The following ATG13 variants were observed in gnomAD, a reference collection of about 807,000 sequenced individuals.
The protein encoded by ATG13 is autophagy related 13, also known as autophagy-related protein 13.
A neutral mutation model predicts 65.5 loss-of-function variants in ATG13; 23 were observed. The observed-to-expected ratio is 0.35, with a 90% CI of 0.25 to 0.50. The LOEUF is 0.50. Among genes scored for constraint, ATG13 ranks in the 20% least tolerant of loss-of-function variants. The pLI, the probability that ATG13 is intolerant of heterozygous loss-of-function variation, is 0.98. For missense variants in ATG13, 566 were observed against 677.0 expected (o/e 0.84, Z 1.82); for synonymous variants, 252 against 245.2 (o/e 1.03, Z -0.26).
chr11:46,652,802 T>A (rs2059184609), intron 7 of ATG13, among the ~76,000 whole-genome samples: 1 of 152,218 alleles, frequency 6.6e-6, no homozygotes, highest in Non-Finnish European at 1.5e-5. Flanking sequence ...GAGTCTCAGC[T>A]TCTTGTTAAA....
In ATG13 at chr11:46,617,583, C is replaced by T; in HGVS notation, c.-377C>T. 5.5e-6 allele frequency: 1 copy of T among 183,472 alleles called. No individual in the cohort carries two copies. The highest frequency in any genetic ancestry group is 1.0e-5 in the Non-Finnish European group (1 of 97,006). 11.4% of individuals were successfully genotyped at this position (183,472 alleles called of 1,614,324 possible). ...TTACCGAAGCGGATGAAAACAAACA[C>T]TAACGATGGCGGCGCCGGGAAGCGA... On this transcript the variant is annotated 5_prime_UTR_variant, in exon 1 of 19. Coordinates refer to ENST00000683050, the MANE Select transcript of ATG13 (RefSeq NM_001346311.2).
Position 46,672,322 on chromosome 11 carries a change from C to G in ATG13, c.1643C>G (p.Thr548Ser). ...NVREFDAFVETLQ is the reference protein window; with the variant it reads ...NVREFDAFVESLQ ...CGCGAGTTTGATGCCTTTGTGGAAA[C>G]CCTGCAGTAAAAGTATCCTTGAGTC... is the stretch of plus-strand genomic sequence containing the variant. Residue 548 changes from threonine to serine, a missense_variant, in exon 19 of 19, where the codon ACC (threonine) becomes AGC (serine). Thr to Ser is a moderately conservative substitution (Grantham distance 58, BLOSUM62 1). This residue lies in a region of ATG13 where 387 missense variants were observed against 409.8 expected (regional missense o/e 0.94). Coordinates refer to ENST00000683050, the MANE Select transcript of ATG13 (RefSeq NM_001346311.2). 6.2e-7 allele frequency: 1 copy of G among 1,614,244 alleles called. No individual in the cohort carries two copies. The highest frequency in any genetic ancestry group is 8.5e-7 in the Non-Finnish European group (1 of 1,180,052).
At chr11:46,650,889 C>T (rs766065836) in intron 7 of ATG13, among the ~76,000 whole-genome samples, 9 of 152,156 alleles carry the variant, frequency 5.9e-5, no homozygotes, top group Non-Finnish European at 1.0e-4. Context: ...TAGGTGTGAG[C>T]CACGGCACCC....
intron 7 of ATG13, among the ~76,000 whole-genome samples, chr11:46,650,927 A>G (rs1321272479): frequency 2.6e-5 from 4 of 152,204 alleles, no homozygotes; most frequent in Admixed American, 2.6e-4. Context: ...TTTGAAAAAC[A>G]GTCTATACTG....
chr11:46,622,118 TATATATA>T lies in ATG13; in HGVS notation c.-70+4229_-70+4235del, dbSNP rs1565398754. 4.3e-3 allele frequency among the ~76,000 whole-genome samples: 484 copies of T among 111,512 alleles called. 8 individuals are homozygous for T. Among genetic ancestry groups the T allele is most frequent in the African/African-American group, 0.016 (407 of 25,968 alleles). 73.2% of individuals were successfully genotyped at this position (111,512 alleles called of 152,430 possible). A position where few individuals can be genotyped will look rare whatever the true frequency, so the allele number is the denominator to read the frequency against. On this transcript the variant is annotated intron_variant, in intron 1 of 18. Coordinates refer to ENST00000683050, the MANE Select transcript of ATG13 (RefSeq NM_001346311.2). ...ATATATATATATATATATATATATA[TATATATA>T]TATTTATTTTAGAGATGGTATTTGC...
chr11:46,650,122 T>C (rs1363617181), intron 6 of ATG13, 55 bp from the exon 7 acceptor site: 5 of 1,584,478 alleles, frequency 3.2e-6, no homozygotes, highest in Middle Eastern at 3.4e-4. Flanking sequence ...AATTTGGTCT[T>C]GTGTAGCTCC....
At chr11:46,638,314 A>G (rs965409141) in intron 2 of ATG13, among the ~76,000 whole-genome samples, 1 of 151,988 alleles carries the variant, frequency 6.6e-6, no homozygotes, top group Non-Finnish European at 1.5e-5. Flanking sequence ...GCGCATGCCT[A>G]TAATCCCAGC....
At chr11:46,644,445 T>A in intron 3 of ATG13, 85 bp downstream of exon 3, 1 of 1,197,754 alleles carries the variant, frequency 8.3e-7, no homozygotes, top group Non-Finnish European at 1.2e-6. Flanking sequence ...CTTTGGAAAG[T>A]AGCATAACAG....
chr11:46,654,007 G>A (rs1372906450), intron 7 of ATG13, among the ~76,000 whole-genome samples: 1 of 151,418 alleles, frequency 6.6e-6, no homozygotes, highest in Non-Finnish European at 1.5e-5. Flanking sequence ...ATATAGACTG[G>A]CCTGTCCAGG....
chr11:46,638,145 CCT>C (rs1379034651), intron 2 of ATG13, among the ~76,000 whole-genome samples: 1 of 152,086 alleles, frequency 6.6e-6, no homozygotes, highest in African/African-American at 2.4e-5. Context: ...CATTTAAAAA[CCT>C]CTTTTTTGAC....
intron 7 of ATG13, among the ~76,000 whole-genome samples, chr11:46,655,666 G>A (rs975018464): frequency 2.0e-5 from 3 of 152,164 alleles, no homozygotes; most frequent in Admixed American, 1.3e-4. Context: ...TTTCTCAGTA[G>A]GTATAATTTT....
intron 1 of ATG13, among the ~76,000 whole-genome samples, chr11:46,624,301 C>A (rs1291903544): frequency 6.6e-6 from 1 of 152,172 alleles, no homozygotes; most frequent in Non-Finnish European, 1.5e-5. Context: ...CCACAACCAG[C>A]CAAATTCAGG....
chr11:46,656,329 G>A, intron 8 of ATG13, 56 bp downstream of exon 8: 1 of 1,494,692 alleles, frequency 6.7e-7, no homozygotes, highest in Non-Finnish European at 9.2e-7. Flanking sequence ...TAACTTCAGA[G>A]ATGATCTTCG....
chr11:46,653,779 C>T (rs1430104303), intron 7 of ATG13, among the ~76,000 whole-genome samples: 4 of 151,820 alleles, frequency 2.6e-5, no homozygotes, highest in Admixed American at 2.6e-4. Context: ...CCATGTTAGC[C>T]AGGATGGTCT....
intron 7 of ATG13, among the ~76,000 whole-genome samples, chr11:46,656,020 C>A (rs1282402058): frequency 1.3e-5 from 2 of 152,150 alleles, no homozygotes; most frequent in East Asian, 1.9e-4. Context: ...TGTGCCTGGC[C>A]TTATTTTCCT....
chr11:46,626,385 A>T (rs1282072239), intron 1 of ATG13, among the ~76,000 whole-genome samples: 1 of 151,942 alleles, frequency 6.6e-6, no homozygotes, highest in Admixed American at 6.6e-5. Flanking sequence ...CGAGTTGCTG[A>T]GATTACAGGC....
rs1379273323 is a variant in ATG13, at chr11:46,673,248, T to A, written c.*916T>A. 2 of 154,120 alleles carry A rather than the reference T, an allele frequency of 1.3e-5. No homozygotes were observed. The highest frequency in any genetic ancestry group is 4.8e-5 in the African/African-American group (2 of 41,442). The allele number at this position is 154,120 out of a possible 1,614,324, so 9.5% of individuals were successfully genotyped here. ...GGAGACCTCCTCCTCCGGAGGTTAT[T>A]GAGAATCCGGGCTGCTGCTTTGAGG... On this transcript the variant is annotated 3_prime_UTR_variant, in exon 19 of 19. Coordinates refer to ENST00000683050, the MANE Select transcript of ATG13 (RefSeq NM_001346311.2).
chr11:46,654,047 A>G (rs986742802), intron 7 of ATG13, among the ~76,000 whole-genome samples: 1 of 151,144 alleles, frequency 6.6e-6, no homozygotes, highest in African/African-American at 2.4e-5. Flanking sequence ...CACTGTGTTT[A>G]TGTTTTTATT....
intron 2 of ATG13, among the ~76,000 whole-genome samples, chr11:46,642,277 C>T (rs1406861363): frequency 6.8e-6 from 1 of 147,534 alleles, no homozygotes; most frequent in Admixed American, 6.9e-5. Context: ...ATCTTATCAG[C>T]TCTTCCTTGT....
Sources: allele counts gnomAD v4.1 joint callset (sites outside exome capture counted in the v4.1 genomes callset), GRCh38; gene constraint gnomAD v4.1.1; regional missense constraint gnomAD v4.1.1; transcripts MANE v1.5; gene names NCBI Gene and HGNC (gene_info 2026-07-23, HGNC 2026-07-21).